The following ATP6V0A4 variants were observed in gnomAD, a reference collection of about 807,000 sequenced individuals.
The protein encoded by ATP6V0A4 is ATPase H+ transporting V0 subunit a4, also known as V-type proton ATPase 116 kDa subunit a 4.
In ATP6V0A4, 86 loss-of-function variants were observed where a neutral mutation model predicts 107.3. The observed-to-expected ratio is 0.80, with a 90% CI of 0.67 to 0.96. The LOEUF is 0.96. Ranked by LOEUF, ATP6V0A4 falls within the 40% of genes least tolerant of loss-of-function variation. The pLI, the probability that ATP6V0A4 is intolerant of heterozygous loss-of-function variation, is 0.00. For synonymous variants in ATP6V0A4, 353 were observed against 381.4 expected, an observed-to-expected ratio of 0.93 and a Z score of 0.87; for missense variants, 908 against 1,045.6, an observed-to-expected ratio of 0.87 and a Z score of 1.81.
At position 138,718,227 on chromosome 7, in the gene ATP6V0A4, TGTGCGC is replaced by T. The variant is rs141830021; in HGVS notation, c.2140-2352_2140-2347del. ...GTGTGTGTGTGTGTGTGTGTGTGTGTGTGCGCGCAGTTATGGATGTCTGCGGAGGGA... is the reference window on the plus strand; with the variant it reads ...GTGTGTGTGTGTGTGTGTGTGTGTGTGCAGTTATGGATGTCTGCGGAGGGA... On this transcript the variant is annotated intron_variant, in intron 19 of 21. Transcript: ENST00000310018. 3.6e-3 allele frequency among the ~76,000 whole-genome samples: 121 copies of T among 33,510 alleles called. 14 individuals carry two copies. Among genetic ancestry groups the T allele is most frequent in the African/African-American group, 0.015 (100 of 6,698 alleles). The allele number at this position is 33,510 out of a possible 152,430, so 22.0% of individuals were successfully genotyped here.
At position 138,710,232 on chromosome 7, in the gene ATP6V0A4, C is replaced by T. The variant is rs540715516; in HGVS notation, c.2258-437G>A. Among the ~76,000 whole-genome samples, 19 of 145,316 alleles carry T rather than the reference C, an allele frequency of 1.3e-4. No individual in the cohort carries two copies. In the South Asian group the frequency reaches 3.7e-3, roughly 28 times the overall value. On this transcript the variant is annotated intron_variant, in intron 20 of 21. Transcript: ENST00000310018. ...TCGAGACAGAGTTTCGCTCTTGTCG[C>T]CCAGTCTGGAGTGCAATGGCGTGAT... is the stretch of plus-strand genomic sequence containing the variant.
intron 19 of ATP6V0A4, among the ~76,000 whole-genome samples, chr7:138,720,925 C>T (rs1303564364): frequency 6.6e-6 from 1 of 152,184 alleles, no homozygotes; most frequent in African/African-American, 2.4e-5. Flanking sequence ...GTATGAGCCA[C>T]CACACATGGC....
At chr7:138,794,648 T>C (rs1358438985) in intron 1 of ATP6V0A4, among the ~76,000 whole-genome samples, 2 of 151,284 alleles carry the variant, frequency 1.3e-5, no homozygotes, top group East Asian at 1.9e-4. Context: ...CAAATACCTA[T>C]CTCACCCATT....
chr7:138,769,255 T>TG lies in ATP6V0A4; in HGVS notation c.118-5dup, dbSNP rs768261888. The TG allele has an allele frequency of 1.9e-5, 31 of 1,610,918 alleles. No homozygotes were observed. Among genetic ancestry groups the TG allele is most frequent in the Non-Finnish European group, 2.6e-5 (31 of 1,179,750 alleles). On this transcript the variant is annotated splice_region_variant and splice_polypyrimidine_tract_variant and intron_variant, in intron 3 of 21. Transcript: ENST00000310018. ...AGCTGTTCACATTCATATTTAACTATGGGGGCGAAAATCACAAGATACATG... is the reference window on the plus strand; with the variant it reads ...AGCTGTTCACATTCATATTTAACTATGGGGGGCGAAAATCACAAGATACATG...
intron 12 of ATP6V0A4, among the ~76,000 whole-genome samples, chr7:138,748,952 T>C (rs1806091121): frequency 1.3e-5 from 2 of 152,216 alleles, no homozygotes; most frequent in Admixed American, 1.3e-4. Context: ...TCGGCATTTA[T>C]AGACGACACC....
chr7:138,763,870 G>T (rs1343939851), intron 5 of ATP6V0A4, among the ~76,000 whole-genome samples: 3 of 151,168 alleles, frequency 2.0e-5, no homozygotes, highest in Non-Finnish European at 4.4e-5. Flanking sequence ...TGAGGCAGGA[G>T]ATTCGCTTGA....
Position 138,745,310 on chromosome 7 carries a change from G to A in ATP6V0A4, c.1321-30C>T, listed in dbSNP as rs754798522. ...CCTCAGAGAGACAGAGAGGATGATT[G>A]TCAGTGGGCTCTGAAGCAGACCCCA... On this transcript the variant is annotated intron_variant, in intron 13 of 21. Coordinates refer to ENST00000310018, the MANE Select transcript of ATP6V0A4 (RefSeq NM_020632.3). The A allele has an allele frequency of 1.9e-6, 3 of 1,613,318 alleles. No individual in the cohort carries two copies. The African/African-American group carries it at 4.0e-5, about 22-fold the overall frequency.
At chr7:138,761,282 T>C (rs1192348971) in intron 7 of ATP6V0A4, among the ~76,000 whole-genome samples, 1 of 151,982 alleles carries the variant, frequency 6.6e-6, no homozygotes, top group Non-Finnish European at 1.5e-5. Flanking sequence ...CAGTGAGCTA[T>C]GATTGCACCT....
intron 19 of ATP6V0A4, among the ~76,000 whole-genome samples, chr7:138,716,448 GA>G (rs59175905): frequency 0.38 from 55,057 of 143,394 alleles, 10,238 homozygotes; most frequent in East Asian, 0.5. Flanking sequence ...CAGCCTTAAA[GA>G]AAAAAAAAAA....
chr7:138,797,160 C>G (rs1584960095), intron 1 of ATP6V0A4, among the ~76,000 whole-genome samples: 1 of 149,952 alleles, frequency 6.7e-6, no homozygotes, highest in Non-Finnish European at 1.5e-5. Context: ...CCCTCTCCCC[C>G]TGTCAAAATT....
At chr7:138,766,452 C>T (rs530710185) in intron 5 of ATP6V0A4, among the ~76,000 whole-genome samples, 32 of 151,538 alleles carry the variant, frequency 2.1e-4, no homozygotes, top group South Asian at 2.1e-3. Context: ...GCAATACACC[C>T]GCCTTGGCTT....
chr7:138,722,254 G>A (rs1804459449), intron 18 of ATP6V0A4, among the ~76,000 whole-genome samples: 1 of 152,024 alleles, frequency 6.6e-6, no homozygotes, highest in Non-Finnish European at 1.5e-5. Flanking sequence ...AATGTGCCCG[G>A]GAGGCACAGC....
chr7:138,722,148 C>T, intron 18 of ATP6V0A4, 123 bp from the exon 19 acceptor site: 1 of 1,483,188 alleles, frequency 6.7e-7, no homozygotes, highest in Non-Finnish European at 9.1e-7. Flanking sequence ...CTAAACACTA[C>T]ACTATCTCAT....
intron 15 of ATP6V0A4, among the ~76,000 whole-genome samples, chr7:138,738,260 C>T (rs1269271480): frequency 6.6e-6 from 1 of 152,092 alleles, no homozygotes; most frequent in African/African-American, 2.4e-5. Context: ...GGGCAGATGA[C>T]AAAATTGCAT....
At chr7:138,749,947 G>C (rs1323492834) in intron 11 of ATP6V0A4, among the ~76,000 whole-genome samples, 1 of 152,044 alleles carries the variant, frequency 6.6e-6, no homozygotes, top group Non-Finnish European at 1.5e-5. Flanking sequence ...TATCACCCTA[G>C]CTCCAAGCCT....
chr7:138,784,766 T>A (rs1363361573), intron 2 of ATP6V0A4, among the ~76,000 whole-genome samples: 2 of 152,174 alleles, frequency 1.3e-5, no homozygotes, highest in East Asian at 3.8e-4. Flanking sequence ...GCTTTTGACA[T>A]TTGGTGTTTC....
rs1453440094 is a variant in ATP6V0A4, at chr7:138,745,676, G to A, written c.1321-396C>T. ...TGTGTCTCAAAAAAAAAAAAAGGCC[G>A]GGTGTGATGGCTCACACCTGTAATC... On this transcript the variant is annotated intron_variant, in intron 13 of 21. Transcript: ENST00000310018. 1.1e-4 allele frequency among the ~76,000 whole-genome samples: 6 copies of A among 54,244 alleles called. 1 individual carries two copies. The highest frequency in any genetic ancestry group is 1.0e-4 in the Non-Finnish European group (3 of 28,854). 35.6% of individuals were successfully genotyped at this position (54,244 alleles called of 152,430 possible).
chr7:138,723,471 G>A (rs1804539034), intron 18 of ATP6V0A4, among the ~76,000 whole-genome samples: 2 of 151,628 alleles, frequency 1.3e-5, no homozygotes, highest in South Asian at 2.1e-4. Context: ...ATGATTTCAT[G>A]GGAGGGGTAT....
chr7:138,764,265 T>C (rs1806977806), intron 5 of ATP6V0A4, among the ~76,000 whole-genome samples: 1 of 151,720 alleles, frequency 6.6e-6, no homozygotes, highest in African/African-American at 2.4e-5. Flanking sequence ...GGCACACAGG[T>C]TTTTTGAATG....
Sources: allele counts gnomAD v4.1 joint callset (sites outside exome capture counted in the v4.1 genomes callset), GRCh38; gene constraint gnomAD v4.1.1; transcripts MANE v1.5; gene names NCBI Gene and HGNC (gene_info 2026-07-23, HGNC 2026-07-21).